ROBO2: variants seen among roughly 807,000 people sequenced by gnomAD.
The protein encoded by ROBO2 is roundabout homolog 2.
ROBO2 carries 53 observed loss-of-function variants against 160.8 expected under a neutral mutation model. The ratio of observed to expected loss-of-function variants is 0.33; its 90% CI spans 0.26 to 0.41. ROBO2 has a LOEUF of 0.41. Ranked by LOEUF, ROBO2 falls within the 10% of genes least tolerant of loss-of-function variation. ROBO2 has a pLI of 1.00. For missense variants in ROBO2, 1,577 were observed against 1,722.4 expected (o/e 0.92, Z 1.49); for synonymous variants, 664 against 611.7 (o/e 1.09, Z -1.26).
At chr3:76,015,350 G>C (rs1194360569) in intron 2 of ROBO2, among the ~76,000 whole-genome samples, 1 of 152,004 alleles carries the variant, frequency 6.6e-6, no homozygotes, top group East Asian at 1.9e-4. Context: ...ACAAAATTGA[G>C]AGTTCGCAAT....
intron 1 of ROBO2, among the ~76,000 whole-genome samples, chr3:77,077,010 G>A (rs1559958164): frequency 6.6e-6 from 1 of 152,146 alleles, no homozygotes; most frequent in East Asian, 1.9e-4. Flanking sequence ...TAAATGTGCT[G>A]TCTCCTGAGC....
At chr3:75,949,569 A>C (rs1208989427) in intron 2 of ROBO2, among the ~76,000 whole-genome samples, 4 of 152,008 alleles carry the variant, frequency 2.6e-5, no homozygotes, top group Non-Finnish European at 5.9e-5. Context: ...TTCCTTAAAC[A>C]TTACATTGCC....
intron 2 of ROBO2, among the ~76,000 whole-genome samples, chr3:77,396,820 G>A (rs561857451): frequency 6.6e-6 from 1 of 152,160 alleles, no homozygotes; most frequent in African/African-American, 2.4e-5. Flanking sequence ...CCAAGAAAAG[G>A]AAGGCACTTA....
rs992653075 is a variant in ROBO2, at chr3:76,689,652, T to A, written c.110-408362T>A. The stretch of plus-strand genomic sequence containing the variant: ...TAGAAACCTTAATAAACAATGATCA[T>A]CTCTATTGCAGTGTTCCTTGAAGAA... On this transcript the variant is annotated intron_variant, in intron 2 of 26. Coordinates refer to the ROBO2 transcript ENST00000487694. Among the ~76,000 whole-genome samples, 9 of 152,190 alleles carry A rather than the reference T, an allele frequency of 5.9e-5. 1 individual carries two copies. The highest frequency in any genetic ancestry group is 1.3e-4 in the Admixed American group (2 of 15,264).
At chr3:76,042,443 T>G (rs1390116198) in intron 2 of ROBO2, among the ~76,000 whole-genome samples, 1 of 152,064 alleles carries the variant, frequency 6.6e-6, no homozygotes, top group African/African-American at 2.4e-5. Context: ...TAGGAGGCAT[T>G]TTAATGCAGT....
At chr3:76,829,548 T>G (rs2066887943) in intron 2 of ROBO2, among the ~76,000 whole-genome samples, 1 of 152,118 alleles carries the variant, frequency 6.6e-6, no homozygotes, top group Admixed American at 6.6e-5. Context: ...TTTTCCTTCC[T>G]TATCTAATTC....
intron 2 of ROBO2, among the ~76,000 whole-genome samples, chr3:77,416,152 TG>T (rs757451814): frequency 3.3e-5 from 5 of 152,170 alleles, no homozygotes; most frequent in Admixed American, 6.5e-5. Flanking sequence ...GAGCCCAAGT[TG>T]GTGGCCCTTT....
At chr3:76,434,036 C>G (rs561654493) in intron 2 of ROBO2, 3 of 1,247,758 alleles carry the variant, frequency 2.4e-6, no homozygotes, top group East Asian at 2.3e-5. Flanking sequence ...CATGCAAAAT[C>G]TGGTAGAAAG....
At chr3:77,441,066 C>T (rs2079871997) in intron 2 of ROBO2, among the ~76,000 whole-genome samples, 1 of 152,084 alleles carries the variant, frequency 6.6e-6, no homozygotes, top group African/African-American at 2.4e-5. Context: ...GGAAGACTGA[C>T]ATACAAATGA....
At chr3:76,960,449 C>CTA (rs56194685) in intron 2 of ROBO2, among the ~76,000 whole-genome samples, 11 of 151,320 alleles carry the variant, frequency 7.3e-5, no homozygotes, top group Non-Finnish European at 1.3e-4. Context: ...ATATCTGTAT[C>CTA]TATATATATA....
chr3:76,742,083 A>G (rs1288055983), intron 2 of ROBO2, among the ~76,000 whole-genome samples: 1 of 152,094 alleles, frequency 6.6e-6, no homozygotes, highest in African/African-American at 2.4e-5. Context: ...TTATATACGA[A>G]GATTTGAATA....
intron 2 of ROBO2, among the ~76,000 whole-genome samples, chr3:76,639,518 T>C (rs2090536659): frequency 6.6e-6 from 1 of 151,728 alleles, no homozygotes; most frequent in Non-Finnish European, 1.5e-5. Flanking sequence ...AACAAATTAG[T>C]ACTATGAAAC....
At chr3:77,341,665 G>C (rs1003540066) in intron 2 of ROBO2, among the ~76,000 whole-genome samples, 2 of 152,012 alleles carry the variant, frequency 1.3e-5, no homozygotes, top group Admixed American at 6.6e-5. Context: ...TATAGAGACT[G>C]CCTGTTCTGA....
chr3:77,647,894 A>G (rs1186665792), exon 26 of ROBO2: 1 of 152,150 alleles, frequency 6.6e-6, no homozygotes, highest in Non-Finnish European at 1.5e-5. Context: ...CAAGGAGATG[A>G]CATAATTAAA....
At chr3:77,206,555 A>T (rs887006743) in intron 2 of ROBO2, among the ~76,000 whole-genome samples, 2 of 151,968 alleles carry the variant, frequency 1.3e-5, no homozygotes, top group Non-Finnish European at 2.9e-5. Flanking sequence ...GCCTGCAAAG[A>T]CTCTATACCG....
At chr3:75,939,423 C>T (rs1947939823) in intron 2 of ROBO2, among the ~76,000 whole-genome samples, 1 of 152,130 alleles carries the variant, frequency 6.6e-6, no homozygotes, top group Admixed American at 6.6e-5. Flanking sequence ...AATATTCTAT[C>T]TTTCATTGGG....
At chr3:76,328,425 G>A (rs925542438) in intron 2 of ROBO2, among the ~76,000 whole-genome samples, 1 of 152,092 alleles carries the variant, frequency 6.6e-6, no homozygotes, top group Non-Finnish European at 1.5e-5. Flanking sequence ...CTCAAAATTT[G>A]TCCATTAATT....
intron 2 of ROBO2, among the ~76,000 whole-genome samples, chr3:77,359,084 C>A (rs2069551500): frequency 1.3e-5 from 2 of 152,110 alleles, no homozygotes; most frequent in Admixed American, 6.6e-5. Context: ...CTTCCTGTCC[C>A]GACTTGAATA....
chr3:77,242,803 T>C (rs2089225390), intron 2 of ROBO2, among the ~76,000 whole-genome samples: 1 of 151,352 alleles, frequency 6.6e-6, no homozygotes, highest in South Asian at 2.1e-4. Flanking sequence ...TTCTTTTCCA[T>C]ATCTAGTAGA....
Sources: gnomAD v4.1 joint callset for allele counts (sites outside exome capture counted in the v4.1 genomes callset) on GRCh38, gnomAD v4.1.1 for gene constraint, MANE v1.5 for transcripts, NCBI Gene and HGNC (gene_info 2026-07-23, HGNC 2026-07-21) for gene names.